The following NPLOC4 variants were observed in gnomAD, a reference collection of about 807,000 sequenced individuals.
NPLOC4 encodes the protein NPL4 homolog, ubiquitin recognition factor, also known as nuclear protein localization protein 4 homolog.
Under a neutral mutation model 80.6 loss-of-function variants are expected in NPLOC4, and 18 were observed. The observed-to-expected ratio is 0.22, with a 90% CI of 0.15 to 0.33. The LOEUF is 0.33. Ranked by LOEUF, NPLOC4 falls within the 10% of genes least tolerant of loss-of-function variation. NPLOC4 has a pLI of 1.00. For synonymous variants in NPLOC4, 313 were observed against 301.5 expected (o/e 1.04, Z -0.39); for missense variants, 540 against 786.1 (o/e 0.69, Z 3.74).
chr17:81,621,502 G>C (rs1268468236), intron 3 of NPLOC4, among the ~76,000 whole-genome samples: 1 of 152,130 alleles, frequency 6.6e-6, no homozygotes, highest in Non-Finnish European at 1.5e-5. Context: ...AGCTCCTTAA[G>C]GACTGAACTG....
Position 81,558,736 on chromosome 17 carries a change from AG to A in NPLOC4, c.*522del, listed in dbSNP as rs1400788458. ...AGACCTGCAGAGGGGAGCCGTGTCC[AG>A]GGCCACTGCGTCCCCACCAGACAAC... On this transcript the variant is annotated 3_prime_UTR_variant, in exon 17 of 17. Transcript: ENST00000331134. The A allele has an allele frequency of 2.0e-5, 3 of 152,548 alleles. No homozygotes were observed. Among genetic ancestry groups the A allele is most frequent in the African/African-American group, 4.8e-5 (2 of 41,448 alleles). 9.4% of individuals were successfully genotyped at this position (152,548 alleles called of 1,614,324 possible).
At chr17:81,564,368 G>A (rs1038542885) in intron 16 of NPLOC4, 7 of 153,942 alleles carry the variant, frequency 4.5e-5, no homozygotes, top group African/African-American at 1.4e-4. Flanking sequence ...GGCTGAAGCA[G>A]AAAGATCACT....
intron 9 of NPLOC4, among the ~76,000 whole-genome samples, chr17:81,599,784 T>A (rs575593656): frequency 1.3e-5 from 2 of 152,370 alleles, no homozygotes; most frequent in East Asian, 3.9e-4. Context: ...CCTTTTCTCA[T>A]CTTCTAACTG....
chr17:81,620,380 C>T (rs2035632639), intron 3 of NPLOC4, among the ~76,000 whole-genome samples: 2 of 152,144 alleles, frequency 1.3e-5, no homozygotes. Context: ...CCTATAGTCC[C>T]AGCTACTCAG....
In NPLOC4 at chr17:81,567,217, C is replaced by T. The variant is rs1391867738; in HGVS notation, c.1566+200G>A. 1.7e-5 allele frequency among the ~76,000 whole-genome samples: 2 copies of T among 114,288 alleles called. No individual in the cohort carries two copies. Among genetic ancestry groups the T allele is most frequent in the African/African-American group, 5.4e-5 (2 of 37,272 alleles). The allele number at this position is 114,288 out of a possible 152,430, so 75.0% of individuals were successfully genotyped here. ...AAATGCTAAAGGTGAAAAAATTAAT[C>T]TTTCTATCAACAAGCTTCTTGTGAA... On this transcript the variant is annotated intron_variant, in intron 15 of 16. Transcript: ENST00000331134. The surrounding 1 kb of genome is among the most constrained non-coding windows in gnomAD (Gnocchi z 4.5).
chr17:81,589,993 T>C (rs935007116), intron 11 of NPLOC4, among the ~76,000 whole-genome samples: 3 of 151,746 alleles, frequency 2.0e-5, no homozygotes, highest in Non-Finnish European at 4.4e-5. Flanking sequence ...ACGGTAAGGA[T>C]GGGAGGATAA....
At chr17:81,581,554 A>G (rs1376283898) in intron 12 of NPLOC4, among the ~76,000 whole-genome samples, 1 of 152,056 alleles carries the variant, frequency 6.6e-6, no homozygotes, top group Non-Finnish European at 1.5e-5. Context: ...TGAGGAGACA[A>G]CTGGCTCCAG....
intron 3 of NPLOC4, among the ~76,000 whole-genome samples, chr17:81,619,820 A>G (rs1328858394): frequency 3.3e-5 from 5 of 149,348 alleles, no homozygotes; most frequent in Non-Finnish European, 7.4e-5. Context: ...CAGAGGTTGC[A>G]GTGAGCTGAG....
chr17:81,635,757 T>C (rs1361027169), intron 1 of NPLOC4, among the ~76,000 whole-genome samples: 1 of 152,124 alleles, frequency 6.6e-6, no homozygotes, highest in Non-Finnish European at 1.5e-5. Context: ...ACTGTCACAA[T>C]GCTACAGTAT....
In NPLOC4 at chr17:81,567,633, A is replaced by T. The variant is rs183965029; in HGVS notation, c.1450-100T>A. On this transcript the variant is annotated intron_variant, in intron 14 of 16. Transcript: ENST00000331134. This position sits in a 1 kb window ranked among gnomAD's most constrained non-coding sequence, Gnocchi z 4.5. ...ACTAAGACGCAACTCAATACACTGA[A>T]TGCTGAGACACCTCTCCCTCTGCCT... 1 of 697,006 alleles carries T rather than the reference A, an allele frequency of 1.4e-6. No homozygotes were observed. Among genetic ancestry groups the T allele is most frequent in the East Asian group, 2.7e-5 (1 of 36,556 alleles). 43.2% of individuals were successfully genotyped at this position (697,006 alleles called of 1,614,324 possible).
chr17:81,622,377 T>G, intron 2 of NPLOC4, 99 bp from the exon 3 acceptor site: 1 of 901,752 alleles, frequency 1.1e-6, no homozygotes, highest in South Asian at 1.4e-5. Context: ...TTCACCAAAT[T>G]TGGAAAGTGC....
chr17:81,605,883 G>A (rs1373576533), intron 7 of NPLOC4, among the ~76,000 whole-genome samples: 2 of 150,472 alleles, frequency 1.3e-5, no homozygotes, highest in Non-Finnish European at 1.5e-5. Context: ...GTGCAGTGGC[G>A]TGATTTTGGC....
At chr17:81,616,196 C>T (rs1194345355) in intron 3 of NPLOC4, among the ~76,000 whole-genome samples, 4 of 151,384 alleles carry the variant, frequency 2.6e-5, no homozygotes, top group African/African-American at 9.7e-5. Context: ...TGGCGGGCAC[C>T]TGTAATCCCA....
intron 1 of NPLOC4, chr17:81,636,517 G>C (rs943632378): frequency 5.9e-6 from 1 of 169,194 alleles, no homozygotes; most frequent in Non-Finnish European, 1.3e-5. Flanking sequence ...ATCAGAGGGA[G>C]ATTAGGATAA....
chr17:81,633,594 C>T (rs751366875), intron 1 of NPLOC4, among the ~76,000 whole-genome samples: 11 of 152,198 alleles, frequency 7.2e-5, no homozygotes, highest in Non-Finnish European at 1.2e-4. Flanking sequence ...GACCTGACAA[C>T]ATGAACACAC....
intron 2 of NPLOC4, among the ~76,000 whole-genome samples, chr17:81,628,723 G>C (rs1352939607): frequency 6.6e-6 from 1 of 152,082 alleles, no homozygotes; most frequent in Non-Finnish European, 1.5e-5. Context: ...GATAAGCTAA[G>C]AAGTACATAA....
intron 13 of NPLOC4, among the ~76,000 whole-genome samples, chr17:81,569,424 G>C (rs1363179809): frequency 6.6e-6 from 1 of 152,218 alleles, no homozygotes; most frequent in African/African-American, 2.4e-5. Context: ...GAGTCACACA[G>C]GTTCTCTCCC....
In NPLOC4 at chr17:81,589,030, A is replaced by T; in HGVS notation, c.1195T>A (p.Cys399Ser). 1 of 1,613,906 alleles carries T rather than the reference A, an allele frequency of 6.2e-7. No homozygotes were observed. The highest frequency in any genetic ancestry group is 8.5e-7 in the Non-Finnish European group (1 of 1,179,858). ...GGGGCGTCCTTGCATGGCAGCAAAC[A>T]CTCATCACGGACCAGTGCCATACAC... is the stretch of plus-strand genomic sequence containing the variant. ...NQCMALVRDE[C>S]LLPCKDAPEL... The change falls in exon 12 of 17, where the codon TGT becomes AGT. Residue 399 changes from cysteine to serine, a missense_variant. By Grantham distance (112) the Cys-to-Ser change is moderately radical. Around this residue, in one of 6 missense-constraint regions of NPLOC4, gnomAD observed 251 missense variants for 377.5 expected, o/e 0.66. Coordinates refer to ENST00000331134, the MANE Select transcript of NPLOC4 (RefSeq NM_017921.4).
At chr17:81,611,288 C>G (rs2035332213) in intron 4 of NPLOC4, among the ~76,000 whole-genome samples, 1 of 151,980 alleles carries the variant, frequency 6.6e-6, no homozygotes, top group Non-Finnish European at 1.5e-5. Context: ...CCACTGCACT[C>G]CAGCCTGGGA....
Sources: gnomAD v4.1 joint callset for allele counts (sites outside exome capture counted in the v4.1 genomes callset) on GRCh38, gnomAD v4.1.1 for gene constraint, gnomAD v4.1.1 regional missense constraint, Gnocchi (gnomAD v3.1) non-coding constraint, MANE v1.5 for transcripts, NCBI Gene and HGNC (gene_info 2026-07-23, HGNC 2026-07-21) for gene names.